The following GUF1 variants were observed in gnomAD, a reference collection of about 807,000 sequenced individuals.
GUF1 encodes the protein translation factor GUF1, mitochondrial.
GUF1 carries 78 observed loss-of-function variants against 82.4 expected under a neutral mutation model. That is an observed-to-expected ratio of 0.95 (90% confidence interval 0.79 to 1.14). The LOEUF (loss-of-function observed/expected upper bound fraction) is 1.14. Among genes scored for constraint, GUF1 ranks in the 50% most tolerant of loss-of-function variants. GUF1 has a pLI of 0.00. For synonymous variants in GUF1, 279 were observed against 282.3 expected, an observed-to-expected ratio of 0.99 and a Z score of 0.12; for missense variants, 814 against 798.2, an observed-to-expected ratio of 1.02 and a Z score of -0.24.
At chr4:44,691,311 T>G (rs966769297) in intron 12 of GUF1, among the ~76,000 whole-genome samples, 1 of 151,730 alleles carries the variant, frequency 6.6e-6, no homozygotes, top group Admixed American at 6.6e-5. Flanking sequence ...TATTGGAAAG[T>G]GTGTCAAATG....
chr4:44,698,594 A>C lies in GUF1; in HGVS notation c.1923A>C (p.Glu641Asp). 1 of 1,610,040 alleles carries C rather than the reference A, an allele frequency of 6.2e-7. No individual in the cohort carries two copies. Among genetic ancestry groups the C allele is most frequent in the South Asian group, 1.1e-5 (1 of 89,934 alleles). Residue 641 changes from glutamate to aspartate, a missense_variant, in exon 17 of 17, where the codon GAA becomes GAC. Coordinates refer to ENST00000281543, the MANE Select transcript of GUF1 (RefSeq NM_021927.3). ...TGAAGCTTTTGAAGAGACAAGCAGA[A>C]GGGAAAAAAAAGCTGAGGAAAATTG... is the stretch of plus-strand genomic sequence containing the variant. ...RKMKLLKRQA[E>D]GKKKLRKIGN...
Position 44,682,429 on chromosome 4 carries a change from A to T in GUF1, c.585+18A>T. 2 of 1,375,250 alleles carry T rather than the reference A, an allele frequency of 1.5e-6. No homozygotes were observed. The highest frequency in any genetic ancestry group is 2.0e-6 in the Non-Finnish European group (2 of 1,017,040). The allele number at this position is 1,375,250 out of a possible 1,614,324, so 85.2% of individuals were successfully genotyped here. A position where few individuals can be genotyped will look rare whatever the true frequency, so the allele number is the denominator to read the frequency against. On this transcript the variant is annotated intron_variant, in intron 5 of 16. Coordinates refer to ENST00000281543, the MANE Select transcript of GUF1 (RefSeq NM_021927.3). Reference sequence around the variant, plus strand: ...TAAATAAGGTAATTACAATGAGACAACAGTGTTGCTATTTCACTTTCTAAA... The same window carrying T: ...TAAATAAGGTAATTACAATGAGACATCAGTGTTGCTATTTCACTTTCTAAA...
intron 6 of GUF1, among the ~76,000 whole-genome samples, chr4:44,684,463 G>A (rs1010156337): frequency 3.3e-5 from 5 of 152,054 alleles, no homozygotes; most frequent in Admixed American, 6.6e-5. Flanking sequence ...GCTGGGACTC[G>A]TGCTGTGCTG....
chr4:44,681,185 T>G lies in GUF1; in HGVS notation c.489T>G (p.Leu163=). ...RSLSACQGVL[L]VVDANEGIQA... is the part of the protein sequence containing the mutation. The stretch of plus-strand genomic sequence containing the variant: ...TTTCTGCTTGCCAGGGTGTTTTACT[T>G]GTGGTTGATGCAAATGAGGTAGGTA... Residue 163 remains leucine, a synonymous_variant, in exon 4 of 17, where the codon CTT becomes CTG. Transcript: ENST00000281543. The G allele has an allele frequency of 6.2e-7, 1 of 1,612,182 alleles. No individual in the cohort carries two copies. Among genetic ancestry groups the G allele is most frequent in the Non-Finnish European group, 8.5e-7 (1 of 1,178,424 alleles).
chr4:44,695,731 A>G lies in GUF1; in HGVS notation c.1832A>G (p.Glu611Gly). Residue 611 changes from glutamate to glycine, a missense_variant, in exon 15 of 17, where the codon GAA (glutamate) becomes GGA (glycine). Glu to Gly is a moderately conservative substitution (Grantham distance 98). Coordinates refer to ENST00000281543, the MANE Select transcript of GUF1 (RefSeq NM_021927.3). ...ATTGGAAGTAAAATCATTGCAAGAG[A>G]AACGTGAGTTGAAATTCATTTTTGG... The part of the protein sequence containing the change: ...AAIGSKIIAR[E>G]TVKAYRKNVL... 1 of 1,608,964 alleles carries G rather than the reference A, an allele frequency of 6.2e-7. No individual in the cohort carries two copies. Among genetic ancestry groups the G allele is most frequent in the Non-Finnish European group, 8.5e-7 (1 of 1,178,522 alleles).
intron 12 of GUF1, among the ~76,000 whole-genome samples, chr4:44,691,135 C>A (rs537162496): frequency 6.6e-6 from 1 of 151,668 alleles, no homozygotes; most frequent in Non-Finnish European, 1.5e-5. Flanking sequence ...TGTATAATTT[C>A]GCCTTTTTGA....
chr4:44,678,728 C>T lies in GUF1; in HGVS notation c.106C>T (p.Leu36Phe). 2 of 1,528,750 alleles carry T rather than the reference C, an allele frequency of 1.3e-6. No homozygotes were observed. The highest frequency in any genetic ancestry group is 1.7e-6 in the Non-Finnish European group (2 of 1,149,378). 94.7% of individuals were successfully genotyped at this position (1,528,750 alleles called of 1,614,324 possible). The change falls in exon 1 of 17, where the codon CTT becomes TTT. Residue 36 changes from leucine to phenylalanine, a missense_variant. By Grantham distance (22) the Leu-to-Phe change is conservative. Coordinates refer to ENST00000281543, the MANE Select transcript of GUF1 (RefSeq NM_021927.3). ...VAPGPRSAPT[L>F]GAAPESWATD... is the part of the protein sequence containing the mutation. Reference sequence around the variant, plus strand: ...CCCGGGGCCCCGGTCCGCGCCGACCCTTGGGGCTGCTCCAGAGTCCTGGGC... The same window carrying T: ...CCCGGGGCCCCGGTCCGCGCCGACCTTTGGGGCTGCTCCAGAGTCCTGGGC...
rs2109630777 is a variant in GUF1, at chr4:44,680,958, TTTCTC to T, written c.426+117_426+121del. The T allele has an allele frequency of 7.9e-6, 9 of 1,133,444 alleles. No homozygotes were observed. In the East Asian group the frequency reaches 2.1e-4, roughly 27 times the overall value. The allele number at this position is 1,133,444 out of a possible 1,614,324, so 70.2% of individuals were successfully genotyped here. ...TTAAACATCTGCCTTTGCTTTTTGTTTTCTCAGTGTTCTTATGTTAGTGTCAGTTG... is the reference window on the plus strand; with the variant it reads ...TTAAACATCTGCCTTTGCTTTTTGTTAGTGTTCTTATGTTAGTGTCAGTTG... On this transcript the variant is annotated intron_variant, in intron 3 of 16. Coordinates refer to ENST00000281543, the MANE Select transcript of GUF1 (RefSeq NM_021927.3).
Position 44,681,144 on chromosome 4 carries a change from G to A in GUF1, c.448G>A (p.Glu150Lys), listed in dbSNP as rs1178390391. The change falls in exon 4 of 17, where the codon GAA (glutamate) becomes AAA (lysine). Residue 150 changes from glutamate to lysine, a missense_variant. Transcript: ENST00000281543. ...DTPGHVDFSY[E>K]VSRSLSACQG... ...TCAGGGCCATGTTGATTTTAGTTAT[G>A]AAGTATCCAGGTCACTTTCTGCTTG... 6.2e-7 allele frequency: 1 copy of A among 1,613,024 alleles called. No individual in the cohort carries two copies. The highest frequency in any genetic ancestry group is 8.5e-7 in the Non-Finnish European group (1 of 1,179,272).
chr4:44,698,261 C>T (rs1361486820), intron 16 of GUF1, among the ~76,000 whole-genome samples: 1 of 152,130 alleles, frequency 6.6e-6, no homozygotes, highest in Non-Finnish European at 1.5e-5. Context: ...GCTTTCTAGT[C>T]AAAATTCCAA....
At chr4:44,692,319 A>G (rs1715498534) in intron 13 of GUF1, among the ~76,000 whole-genome samples, 1 of 151,996 alleles carries the variant, frequency 6.6e-6, no homozygotes, top group Non-Finnish European at 1.5e-5. Context: ...ATAGGAGTAC[A>G]TGGAGAAAAG....
Position 44,678,621 on chromosome 4 carries a change from T to A in GUF1, c.-2T>A, listed in dbSNP as rs1184730195. The stretch of plus-strand genomic sequence containing the variant: ...TCTCCTGACGCCTCCGCCGCCCGGG[T>A]CATGTGGACCCTCGTGGGTCGGGGC... On this transcript the variant is annotated 5_prime_UTR_variant, in exon 1 of 17. Coordinates refer to ENST00000281543, the MANE Select transcript of GUF1 (RefSeq NM_021927.3). 1 of 1,452,624 alleles carries A rather than the reference T, an allele frequency of 6.9e-7. No individual in the cohort carries two copies. The highest frequency in any genetic ancestry group is 1.5e-5 in the African/African-American group (1 of 67,018). The allele number at this position is 1,452,624 out of a possible 1,614,324, so 90.0% of individuals were successfully genotyped here.
intron 13 of GUF1, among the ~76,000 whole-genome samples, chr4:44,692,289 C>T (rs765436322): frequency 2.6e-5 from 4 of 151,914 alleles, no homozygotes; most frequent in African/African-American, 7.2e-5. Flanking sequence ...GTCCTCATCA[C>T]GAAAACCTTT....
rs1487914212 is a variant in GUF1 at position 44,686,626 on chromosome 4, A to G, written c.851A>G (p.Asp284Gly). 4.3e-6 allele frequency: 7 copies of G among 1,611,942 alleles called. No individual in the cohort carries two copies. The African/African-American group carries it at 6.7e-5, about 15-fold the overall frequency. The change falls in exon 8 of 17, where the codon GAT (aspartate) becomes GGT (glycine). Residue 284 changes from aspartate to glycine, a missense_variant. Asp to Gly is a moderately conservative substitution (Grantham distance 94, BLOSUM62 -1). Coordinates refer to ENST00000281543, the MANE Select transcript of GUF1 (RefSeq NM_021927.3). Reference protein sequence around the residue: ...ALFDGVVSKGDKIVSAHTQKT... With the variant: ...ALFDGVVSKGGKIVSAHTQKT... ...TTTGACGGAGTGGTTTCCAAAGGAG[A>G]TAAAATTGTATCTGCACATACTCAA...
At chr4:44,697,509 AAAC>A in intron 16 of GUF1, 65 bp downstream of exon 16, 1 of 777,036 alleles carries the variant, frequency 1.3e-6, no homozygotes, top group South Asian at 2.2e-5. Flanking sequence ...AAGGGGGCAT[AAAC>A]TTATTGATTT....
chr4:44,694,586 C>A, intron 14 of GUF1, 73 bp downstream of exon 14: 2 of 952,780 alleles, frequency 2.1e-6, no homozygotes, highest in Non-Finnish European at 3.2e-6. Flanking sequence ...TTTGTTTGAG[C>A]AGCTGCATTT....
chr4:44,681,860 C>G (rs577115637), intron 4 of GUF1, among the ~76,000 whole-genome samples: 1 of 148,184 alleles, frequency 6.7e-6, no homozygotes, highest in East Asian at 1.9e-4. Context: ...TATAAACTAC[C>G]TTGATGACTG....
chr4:44,682,255 A>G (rs1000842209), intron 4 of GUF1, 79 bp from the exon 5 acceptor site: 1 of 678,096 alleles, frequency 1.5e-6, no homozygotes, highest in Non-Finnish European at 2.4e-6. Context: ...ATGAAGATGT[A>G]TAGAATGGTC....
intron 14 of GUF1, 110 bp downstream of exon 14, chr4:44,694,623 G>T (rs1488929759): frequency 1.5e-6 from 1 of 659,884 alleles, no homozygotes; most frequent in Non-Finnish European, 2.6e-6. Context: ...AATTAAAATA[G>T]AGTTCACCCT....
Sources: allele counts gnomAD v4.1 joint callset (sites outside exome capture counted in the v4.1 genomes callset), GRCh38; gene constraint gnomAD v4.1.1; transcripts MANE v1.5; gene names NCBI Gene and HGNC (gene_info 2026-07-23, HGNC 2026-07-21).